SMAP1: variants seen among roughly 807,000 people sequenced by gnomAD.
SMAP1 encodes small ArfGAP 1, also known as stromal membrane-associated protein 1.
Under a neutral mutation model 58.5 loss-of-function variants are expected in SMAP1, and 24 were observed. The observed-to-expected ratio is 0.41, with a 90% CI of 0.30 to 0.58. SMAP1 has a LOEUF of 0.58. Among genes scored for constraint, SMAP1 ranks in the 20% least tolerant of loss-of-function variants. The pLI, the probability that SMAP1 is intolerant of heterozygous loss-of-function variation, is 0.29. For synonymous variants in SMAP1, 216 were observed against 196.6 expected (o/e 1.10, Z -0.82); for missense variants, 563 against 566.3 (o/e 0.99, Z 0.06).
At chr6:70,766,230 G>A (rs1766979545) in intron 3 of SMAP1, among the ~76,000 whole-genome samples, 1 of 152,134 alleles carries the variant, frequency 6.6e-6, no homozygotes, top group African/African-American at 2.4e-5. Flanking sequence ...CTTTATAGCA[G>A]CATGATTTAT....
intron 3 of SMAP1, among the ~76,000 whole-genome samples, chr6:70,767,745 C>G (rs979735481): frequency 1.4e-5 from 2 of 141,224 alleles, no homozygotes; most frequent in Admixed American, 7.3e-5. Context: ...CCTTTATTTC[C>G]TTCTCCTGCC....
At chr6:70,763,130 T>TTTTTTTTG (rs1554198497) in intron 3 of SMAP1, among the ~76,000 whole-genome samples, 2 of 138,742 alleles carry the variant, frequency 1.4e-5, no homozygotes, top group African/African-American at 2.8e-5. Context: ...TTTTTTTTTT[T>TTTTTTTTG]ACGAATTGAA....
chr6:70,761,171 A>T (rs567617591), intron 3 of SMAP1, among the ~76,000 whole-genome samples: 1 of 152,180 alleles, frequency 6.6e-6, no homozygotes, highest in African/African-American at 2.4e-5. Context: ...ATATAGATAC[A>T]TGTTAAAAGA....
At chr6:70,788,040 G>A (rs1330141718) in intron 4 of SMAP1, among the ~76,000 whole-genome samples, 1 of 151,928 alleles carries the variant, frequency 6.6e-6, no homozygotes, top group East Asian at 1.9e-4. Flanking sequence ...ACAAAGACTT[G>A]GAACCAACCC....
At chr6:70,859,847 T>A in intron 10 of SMAP1, 1 of 188,728 alleles carries the variant, frequency 5.3e-6, no homozygotes, top group Non-Finnish European at 1.1e-5. Context: ...TAGGATAATT[T>A]TAGACTATTT....
chr6:70,749,606 AAAC>A (rs200556694), intron 2 of SMAP1, among the ~76,000 whole-genome samples: 3 of 152,086 alleles, frequency 2.0e-5, no homozygotes, highest in Non-Finnish European at 4.4e-5. Context: ...TTTAAAAAAA[AAAC>A]AACAACCAGT....
chr6:70,703,758 ATC>A (rs1767730975), intron 1 of SMAP1, among the ~76,000 whole-genome samples: 2 of 152,264 alleles, frequency 1.3e-5, no homozygotes, highest in East Asian at 1.9e-4. Context: ...CTCTCTGTGC[ATC>A]TCTCTCCTCT....
intron 6 of SMAP1, among the ~76,000 whole-genome samples, chr6:70,816,212 G>A (rs1489169500): frequency 6.6e-6 from 1 of 152,104 alleles, no homozygotes; most frequent in Non-Finnish European, 1.5e-5. Context: ...AAATTGTAAG[G>A]CATATTTTGG....
intron 10 of SMAP1, chr6:70,859,446 A>ATAAGTGT: frequency 7.3e-7 from 1 of 1,377,294 alleles, no homozygotes; most frequent in Non-Finnish European, 1.0e-6. Flanking sequence ...TTCTTCAGAC[A>ATAAGTGT]CTTATGCCTG....
intron 1 of SMAP1, among the ~76,000 whole-genome samples, chr6:70,669,829 T>C (rs182456869): frequency 8.5e-5 from 13 of 152,364 alleles, no homozygotes; most frequent in Admixed American, 8.5e-4. Flanking sequence ...CTACAGACTT[T>C]ATTAAAAATA....
intron 10 of SMAP1, chr6:70,859,410 T>C (rs1771597601): frequency 6.5e-7 from 1 of 1,546,108 alleles, no homozygotes. Context: ...AAAATGTCCT[T>C]TAGTAGGTAT....
intron 1 of SMAP1, among the ~76,000 whole-genome samples, chr6:70,675,601 A>G (rs1011251483): frequency 9.2e-5 from 14 of 151,746 alleles, no homozygotes; most frequent in African/African-American, 2.9e-4. Context: ...CAGTGAGCCA[A>G]GATCGTGCCA....
chr6:70,754,820 A>G (rs1385353871), intron 2 of SMAP1, among the ~76,000 whole-genome samples, 160 bp from the exon 3 acceptor site: 1 of 152,094 alleles, frequency 6.6e-6, no homozygotes, highest in Non-Finnish European at 1.5e-5. Flanking sequence ...AACTTGAGTG[A>G]TTAATTTCGT....
intron 1 of SMAP1, among the ~76,000 whole-genome samples, chr6:70,703,257 A>G (rs1323995607): frequency 6.6e-6 from 1 of 151,936 alleles, no homozygotes; most frequent in Non-Finnish European, 1.5e-5. Context: ...TTGTATTTTT[A>G]GTAGAGACAG....
At chr6:70,789,013 A>T (rs1366035641) in intron 4 of SMAP1, among the ~76,000 whole-genome samples, 2 of 152,178 alleles carry the variant, frequency 1.3e-5, no homozygotes, top group East Asian at 3.9e-4. Context: ...CTAGCTTTTC[A>T]TGTCTCTGTA....
intron 1 of SMAP1, among the ~76,000 whole-genome samples, chr6:70,678,185 C>T (rs987789635): frequency 2.6e-5 from 4 of 152,200 alleles, no homozygotes; most frequent in African/African-American, 9.6e-5. Context: ...CTTCCATTCT[C>T]TGTGGCCCCT....
chr6:70,776,163 G>T (rs1767538062), intron 4 of SMAP1, among the ~76,000 whole-genome samples: 1 of 151,666 alleles, frequency 6.6e-6, no homozygotes, highest in African/African-American at 2.4e-5. Flanking sequence ...ATCCACAGAG[G>T]GACATTTATC....
At chr6:70,744,394 A>G (rs964567348) in intron 2 of SMAP1, among the ~76,000 whole-genome samples, 64 of 152,138 alleles carry the variant, frequency 4.2e-4, no homozygotes, top group African/African-American at 1.3e-3. Context: ...TCATTGTTCA[A>G]TTCCCACCTA....
At chr6:70,721,559 C>T (rs1298531328) in intron 1 of SMAP1, among the ~76,000 whole-genome samples, 1 of 152,214 alleles carries the variant, frequency 6.6e-6, no homozygotes, top group Non-Finnish European at 1.5e-5. Context: ...TTCCCCATTT[C>T]CAAAGTTGCT....
Sources: gnomAD v4.1 joint callset for allele counts (sites outside exome capture counted in the v4.1 genomes callset) on GRCh38, gnomAD v4.1.1 for gene constraint, MANE v1.5 for transcripts, NCBI Gene and HGNC (gene_info 2026-07-23, HGNC 2026-07-21) for gene names.